ZBED4: variants seen among roughly 807,000 people sequenced by gnomAD.
The protein encoded by ZBED4 is zinc finger BED domain-containing protein 4.
Under a neutral mutation model 15.5 loss-of-function variants are expected in ZBED4, and 4 were observed. That is an observed-to-expected ratio of 0.26 (90% CI 0.13 to 0.59). The LOEUF (loss-of-function observed/expected upper bound fraction) is 0.59. ZBED4 is among the 20% of genes least tolerant of loss of function. The pLI is 0.90. For synonymous variants in ZBED4, 692 were observed against 608.5 expected (o/e 1.14, Z -2.02); for missense variants, 1,323 against 1,461.8 (o/e 0.91, Z 1.55).
chr22:49,886,293 C>A lies in ZBED4; in HGVS notation c.2631C>A (p.Tyr877Ter). 1 of 1,487,736 alleles carries A rather than the reference C, an allele frequency of 6.7e-7. No individual in the cohort carries two copies. Among genetic ancestry groups the A allele is most frequent in the Non-Finnish European group, 9.2e-7 (1 of 1,082,972 alleles). The allele number at this position is 1,487,736 out of a possible 1,614,324, so 92.2% of individuals were successfully genotyped here. ...KEKLAELQRE[Y>*]ALPQHHLIQD... ...AACTGGCCGAGCTGCAGAGGGAGTA[C>A]GCGCTGCCTCAGCATCACCTCATCC... is the stretch of plus-strand genomic sequence containing the variant. The change falls in exon 2 of 2, where the codon TAC (tyrosine) becomes TAA (stop). Residue 877 changes from tyrosine (Y) to a stop codon, truncating the protein, a stop_gained. Transcript: ENST00000216268. LOFTEE classifies it high-confidence loss of function. The surrounding 1 kb of genome is among the most constrained non-coding windows in gnomAD (Gnocchi z 7.7).
rs138875172 is a variant in ZBED4 at position 49,867,340 on chromosome 22, G to A, written c.-330+13351G>A. Among the ~76,000 whole-genome samples, 709 of 152,274 alleles carry A rather than the reference G, an allele frequency of 4.7e-3. 3 individuals carry two copies. Among genetic ancestry groups the A allele is most frequent in the African/African-American group, 0.011 (454 of 41,548 alleles). ...GGTCTATACTGTGGGAGGTTCCCTG[G>A]GCCCCTGAAGAAGCGTGTGCCAGGC... On this transcript the variant is annotated intron_variant, in intron 1 of 1. Coordinates refer to ENST00000216268, the MANE Select transcript of ZBED4 (RefSeq NM_014838.3).
At chr22:49,874,457 C>T (rs897123496) in intron 1 of ZBED4, among the ~76,000 whole-genome samples, 22 of 151,154 alleles carry the variant, frequency 1.5e-4, no homozygotes, top group Non-Finnish European at 2.2e-4. Context: ...GCGATCTCGG[C>T]TCACTGCAAC....
Position 49,885,615 on chromosome 22 carries a change from T to C in ZBED4, c.1953T>C (p.Ser651=). The C allele has an allele frequency of 6.2e-7, 1 of 1,611,224 alleles. No homozygotes were observed. The highest frequency in any genetic ancestry group is 8.5e-7 in the Non-Finnish European group (1 of 1,177,768). The change falls in exon 2 of 2, where the codon TCT becomes TCC. Residue 651 remains serine, a synonymous_variant. Coordinates refer to ENST00000216268, the MANE Select transcript of ZBED4 (RefSeq NM_014838.3). ...FDDTNEKFYD[S]HPVAKKITSL... ...ACACCAATGAGAAGTTTTACGATTCTCACCCAGTTGCCAAAAAAATCACAA... is the reference window on the plus strand; with the variant it reads ...ACACCAATGAGAAGTTTTACGATTCCCACCCAGTTGCCAAAAAAATCACAA...
intron 1 of ZBED4, among the ~76,000 whole-genome samples, chr22:49,872,791 G>A (rs900073948): frequency 7.3e-5 from 11 of 151,366 alleles, no homozygotes; most frequent in African/African-American, 2.7e-4. Flanking sequence ...TGCAACCTCT[G>A]CCTCCCAGGT....
Position 49,885,485 on chromosome 22 carries a change from A to T in ZBED4, c.1823A>T (p.His608Leu). Residue 608 changes from histidine (H) to leucine (L), a missense_variant, in exon 2 of 2, where the codon CAT (histidine) becomes CTT (leucine). Transcript: ENST00000216268. ...CTTCTGAGACATTTACAGCGGTTCC[A>T]TAGCAACGTGCTGAAAACTGAGGTC... ...SCLLRHLQRF[H>L]SNVLKTEVSE... 6.2e-7 allele frequency: 1 copy of T among 1,612,506 alleles called. No individual in the cohort carries two copies.
chr22:49,863,472 C>A (rs907816752), intron 1 of ZBED4, among the ~76,000 whole-genome samples: 2 of 152,130 alleles, frequency 1.3e-5, no homozygotes, highest in Non-Finnish European at 2.9e-5. Context: ...ACTAAAAATA[C>A]AAAAATTAGC....
intron 1 of ZBED4, among the ~76,000 whole-genome samples, chr22:49,858,399 G>A (rs756050482): frequency 3.3e-5 from 5 of 152,178 alleles, no homozygotes; most frequent in Middle Eastern, 3.2e-3. Context: ...AACCAGGCCC[G>A]GAGTCTTGAT....
At chr22:49,867,468 A>G (rs1027138488) in intron 1 of ZBED4, among the ~76,000 whole-genome samples, 1 of 152,176 alleles carries the variant, frequency 6.6e-6, no homozygotes, top group South Asian at 2.1e-4. Flanking sequence ...CTTTCTGTCT[A>G]GTTCTGGGTG....
At position 49,869,860 on chromosome 22, in the gene ZBED4, C is replaced by T. The variant is rs997693500; in HGVS notation, c.-329-13474C>T. On this transcript the variant is annotated intron_variant, in intron 1 of 1. Transcript: ENST00000216268. The stretch of plus-strand genomic sequence containing the variant: ...TTCATCAGGCACATGTGCAGGTTCA[C>T]GACATGGTATATTGCGTGATGCTGA... 8.5e-5 allele frequency among the ~76,000 whole-genome samples: 13 copies of T among 152,280 alleles called. No homozygotes were observed. In the East Asian group the frequency reaches 2.1e-3, roughly 25 times the overall value.
At chr22:49,863,540 T>C (rs1335059268) in intron 1 of ZBED4, among the ~76,000 whole-genome samples, 1 of 151,990 alleles carries the variant, frequency 6.6e-6, no homozygotes. Flanking sequence ...GGCAGGAGAA[T>C]TGCTTGAACC....
chr22:49,885,747 C>T lies in ZBED4; in HGVS notation c.2085C>T (p.Pro695=), dbSNP rs770715563. 3.6e-5 allele frequency: 57 copies of T among 1,604,006 alleles called. No homozygotes were observed. In the South Asian group the frequency reaches 4.5e-4, roughly 13 times the overall value. ...LEYLKPQYSL[P]APSYFSRTAI... ...ACTTGAAACCTCAGTACTCCCTCCC[C>T]GCCCCTTCCTACTTCTCCAGGACAG... Residue 695 remains proline (P), a synonymous_variant, in exon 2 of 2, where the codon CCC becomes CCT. Transcript: ENST00000216268.
At position 49,875,462 on chromosome 22, in the gene ZBED4, C is replaced by A. The variant is rs554836628; in HGVS notation, c.-329-7872C>A. 9.4e-5 allele frequency among the ~76,000 whole-genome samples: 14 copies of A among 148,968 alleles called. No homozygotes were observed. In the South Asian group the frequency reaches 3.0e-3, roughly 31 times the overall value. On this transcript the variant is annotated intron_variant, in intron 1 of 1. Coordinates refer to ENST00000216268, the MANE Select transcript of ZBED4 (RefSeq NM_014838.3). ...TTGAGACGGAGTCTTGCTCTGTCAC[C>A]CAGGCTGGAGTACAGTGGCGCCATC...
Position 49,886,606 on chromosome 22 carries a change from C to G in ZBED4, c.2944C>G (p.Leu982Val), listed in dbSNP as rs1449776070. ...FEETMGIDTM[L>V]RSLKEAMVSR... ...GGAGACGATGGGCATCGACACCATGCTGCGCTCTCTGAAGGAGGCCATGGT... is the reference window on the plus strand; with the variant it reads ...GGAGACGATGGGCATCGACACCATGGTGCGCTCTCTGAAGGAGGCCATGGT... Residue 982 changes from leucine to valine, a missense_variant, in exon 2 of 2, where the codon CTG becomes GTG. This residue lies in a region of ZBED4 where 312 missense variants were observed against 410.7 expected (regional missense o/e 0.76). Coordinates refer to ENST00000216268, the MANE Select transcript of ZBED4 (RefSeq NM_014838.3). The surrounding 1 kb of genome is among the most constrained non-coding windows in gnomAD (Gnocchi z 7.7). The G allele has an allele frequency of 6.4e-7, 1 of 1,572,632 alleles. No homozygotes were observed. The highest frequency in any genetic ancestry group is 2.2e-5 in the East Asian group (1 of 44,582).
Position 49,885,966 on chromosome 22 carries a change from G to A in ZBED4, c.2304G>A (p.Ala768=), listed in dbSNP as rs748599121. Residue 768 remains alanine (A), a synonymous_variant, in exon 2 of 2, where the codon GCG becomes GCA. Transcript: ENST00000216268. Reference sequence around the variant, plus strand: ...GCTGTGACGACCACCACTGCTCGGCGCTGTTGGACGTGTCGCAGGTGGACT... The same window carrying A: ...GCTGTGACGACCACCACTGCTCGGCACTGTTGGACGTGTCGCAGGTGGACT... ...RPRCDDHHCS[A]LLDVSQVDCD... is the part of the protein sequence containing the mutation. 2 of 710,704 alleles carry A rather than the reference G, an allele frequency of 2.8e-6. No homozygotes were observed. Among genetic ancestry groups the A allele is most frequent in the East Asian group, 2.5e-5 (1 of 40,498 alleles). The allele number at this position is 710,704 out of a possible 1,614,324, so 44.0% of individuals were successfully genotyped here.
chr22:49,870,092 C>T (rs2060339688), intron 1 of ZBED4, among the ~76,000 whole-genome samples: 1 of 152,174 alleles, frequency 6.6e-6, no homozygotes, highest in South Asian at 2.1e-4. Context: ...TTTTCTGTTC[C>T]TGTGTTTGTT....
upstream of ZBED4, among the ~76,000 whole-genome samples, chr22:49,853,540 G>A (rs1467484220): frequency 1.3e-5 from 2 of 152,006 alleles, no homozygotes; most frequent in South Asian, 2.1e-4. Context: ...AAACCAAGGC[G>A]CCCGCGCCCC....
At position 49,879,988 on chromosome 22, in the gene ZBED4, A is replaced by G. The variant is rs909853197; in HGVS notation, c.-329-3346A>G. 2.0e-5 allele frequency among the ~76,000 whole-genome samples: 3 copies of G among 151,052 alleles called. 1 individual carries two copies. The highest frequency in any genetic ancestry group is 4.2e-4 in the South Asian group (2 of 4,778). On this transcript the variant is annotated intron_variant, in intron 1 of 1. Coordinates refer to ENST00000216268, the MANE Select transcript of ZBED4 (RefSeq NM_014838.3). ...GTCAGAGGTGGTTTTCTCCCGCTTCATCGCAGGTCTGGTTGTTTTTGTCAG... is the reference window on the plus strand; with the variant it reads ...GTCAGAGGTGGTTTTCTCCCGCTTCGTCGCAGGTCTGGTTGTTTTTGTCAG...
intron 1 of ZBED4, among the ~76,000 whole-genome samples, chr22:49,861,853 TTG>T (rs1221048778): frequency 1.3e-5 from 2 of 152,190 alleles, no homozygotes; most frequent in African/African-American, 4.8e-5. Context: ...GTTGCATTTT[TTG>T]TGTTTCTGGT....
intron 1 of ZBED4, among the ~76,000 whole-genome samples, chr22:49,881,207 G>A (rs1185435874): frequency 6.6e-6 from 1 of 152,164 alleles, no homozygotes; most frequent in Non-Finnish European, 1.5e-5. Context: ...GAATTAGCCG[G>A]GTGTCATGGC....
Sources: allele counts gnomAD v4.1 joint callset (sites outside exome capture counted in the v4.1 genomes callset), GRCh38; gene constraint gnomAD v4.1.1; regional missense constraint gnomAD v4.1.1; non-coding constraint Gnocchi (gnomAD v3.1); transcripts MANE v1.5; gene names NCBI Gene and HGNC (gene_info 2026-07-23, HGNC 2026-07-21).